WNK1: variants seen among roughly 807,000 people sequenced by gnomAD.
WNK1 encodes WNK lysine deficient protein kinase 1.
A neutral mutation model predicts 222.8 loss-of-function variants in WNK1; 38 were observed. That is an observed-to-expected ratio of 0.17 (90% CI 0.13 to 0.22). The LOEUF (loss-of-function observed/expected upper bound fraction) is 0.22, where lower values mean the gene tolerates loss of function less well. Among genes scored for constraint, WNK1 ranks in the 10% least tolerant of loss-of-function variants. WNK1 has a pLI of 1.00. For synonymous variants in WNK1, 1,090 were observed against 1,092.9 expected, an observed-to-expected ratio of 1.00 and a Z score of 0.05; for missense variants, 2,348 against 2,918.4, an observed-to-expected ratio of 0.80 and a Z score of 4.50.
chr12:778,278 A>C (rs1943320424), intron 1 of WNK1, among the ~76,000 whole-genome samples: 1 of 152,100 alleles, frequency 6.6e-6, no homozygotes, highest in Non-Finnish European at 1.5e-5. Context: ...CTTGAAATTT[A>C]TGTAAAATTC....
At chr12:879,308 C>T (rs774910972) in intron 10 of WNK1, among the ~76,000 whole-genome samples, 10 of 151,862 alleles carry the variant, frequency 6.6e-5, no homozygotes, top group Non-Finnish European at 1.5e-4. Flanking sequence ...AATGCTGAAG[C>T]ATTAGCAAAT....
rs561238194 is a variant in WNK1 at position 896,639 on chromosome 12, G to T, written c.6152G>T (p.Ser2051Ile). The T allele has an allele frequency of 1.9e-6, 3 of 1,608,388 alleles. No individual in the cohort carries two copies. Among genetic ancestry groups the T allele is most frequent in the Non-Finnish European group, 2.5e-6 (3 of 1,177,958 alleles). Residue 2051 changes from serine (S) to isoleucine (I), a missense_variant, in exon 24 of 28, where the codon AGT becomes ATT. Transcript: ENST00000315939. ...AGCCAGAATCTAAGTCAAAGCCTTA[G>T]TAATTCATTTAACTCCTCTTACATG... ...LPSQNLSQSL[S>I]NSFNSSYMSS... is the part of the protein sequence containing the mutation.
intron 8 of WNK1, chr12:869,082 G>A (rs1312282687): frequency 5.6e-6 from 9 of 1,613,936 alleles, no homozygotes; most frequent in Non-Finnish European, 7.6e-6. Flanking sequence ...TTTTCTTCAG[G>A]AGGATCTGCA....
At chr12:817,654 T>G (rs1243118234) in intron 2 of WNK1, among the ~76,000 whole-genome samples, 2 of 152,126 alleles carry the variant, frequency 1.3e-5, no homozygotes, top group Non-Finnish European at 2.9e-5. Flanking sequence ...AAATTTGGAT[T>G]AAGGCCAGGC....
intron 4 of WNK1, chr12:851,628 G>GATGTA (rs1950426445): frequency 7.8e-7 from 1 of 1,282,768 alleles, no homozygotes; most frequent in Non-Finnish European, 1.0e-6. Flanking sequence ...GCTGTGGGCT[G>GATGTA]ATGTACATCA....
intron 4 of WNK1, among the ~76,000 whole-genome samples, chr12:830,401 A>G (rs990980373): frequency 1.3e-5 from 2 of 152,174 alleles, no homozygotes; most frequent in Non-Finnish European, 2.9e-5. Context: ...AATCTTTATT[A>G]TGTTTAAAAA....
chr12:772,881 T>C (rs1401733878), intron 1 of WNK1, among the ~76,000 whole-genome samples: 1 of 152,202 alleles, frequency 6.6e-6, no homozygotes, highest in African/African-American at 2.4e-5. Flanking sequence ...GTATTATCAG[T>C]AGTTTGTTTT....
At chr12:789,769 G>C (rs187046690) in intron 1 of WNK1, among the ~76,000 whole-genome samples, 3 of 152,250 alleles carry the variant, frequency 2.0e-5, no homozygotes, top group East Asian at 3.9e-4. Flanking sequence ...GGCAGTGTCA[G>C]ATTGATTCAG....
chr12:898,884 G>A (rs1406319206), intron 25 of WNK1, among the ~76,000 whole-genome samples: 1 of 152,126 alleles, frequency 6.6e-6, no homozygotes, highest in African/African-American at 2.4e-5. Flanking sequence ...GGGATTACAG[G>A]CACATGTCAC....
At chr12:791,256 C>CAT (rs71293137) in intron 1 of WNK1, among the ~76,000 whole-genome samples, 2 of 150,158 alleles carry the variant, frequency 1.3e-5, no homozygotes, top group African/African-American at 4.9e-5. Flanking sequence ...CACACACACA[C>CAT]ATACACAAAA....
At chr12:786,120 G>A (rs961644243) in intron 1 of WNK1, among the ~76,000 whole-genome samples, 10 of 152,098 alleles carry the variant, frequency 6.6e-5, no homozygotes, top group African/African-American at 2.2e-4. Context: ...TTTGAAAATA[G>A]TATTTATTAA....
intron 4 of WNK1, among the ~76,000 whole-genome samples, chr12:839,009 C>T (rs1180827746): frequency 1.3e-5 from 2 of 152,072 alleles, no homozygotes; most frequent in Non-Finnish European, 2.9e-5. Flanking sequence ...CTCTAAAGAA[C>T]TTACCAAGGG....
chr12:861,922 A>G (rs1271346505), intron 7 of WNK1, among the ~76,000 whole-genome samples, 161 bp from the exon 8 acceptor site: 2 of 152,228 alleles, frequency 1.3e-5, no homozygotes, highest in East Asian at 3.8e-4. Context: ...ATAGAAATCT[A>G]CTGAATATGG....
rs72648636 is a variant in WNK1, at chr12:846,422, A to G, written c.1312-10739A>G. 3.6e-3 allele frequency among the ~76,000 whole-genome samples: 549 copies of G among 152,314 alleles called. 8 individuals carry two copies. Among genetic ancestry groups the G allele is most frequent in the African/African-American group, 0.013 (521 of 41,582 alleles). On this transcript the variant is annotated intron_variant, in intron 4 of 27. Coordinates refer to ENST00000315939, the MANE Select transcript of WNK1 (RefSeq NM_018979.4). ...TTTATATGAAGGATAGTGCGTTTGA[A>G]CTGGAGCAGTACACAAGCTTTCATG...
rs1948376697 is a variant in WNK1 at position 826,532 on chromosome 12, G to A, written c.933-510G>A. 1.3e-5 allele frequency among the ~76,000 whole-genome samples: 2 copies of A among 152,158 alleles called. 1 individual carries two copies. The highest frequency in any genetic ancestry group is 4.1e-4 in the South Asian group (2 of 4,832). ...TGACTGATTTTGATTGCTCTCCAGA[G>A]CCTTCAAGTAATAGTTGTTTTGTAT... On this transcript the variant is annotated intron_variant, in intron 2 of 27. Coordinates refer to ENST00000315939, the MANE Select transcript of WNK1 (RefSeq NM_018979.4).
chr12:807,711 C>CTTTT lies in WNK1; in HGVS notation c.760-5908_760-5905dup, dbSNP rs869122990. ...TTCCTTCCAGTAGGGAGCAATAATT[C>CTTTT]TTTTTTTTTTTTTTTTTTTTTTTTT... On this transcript the variant is annotated intron_variant, in intron 1 of 27. Coordinates refer to ENST00000315939, the MANE Select transcript of WNK1 (RefSeq NM_018979.4). Among the ~76,000 whole-genome samples the CTTTT allele has an allele frequency of 1.3e-3, 102 of 78,798 alleles. 6 individuals carry two copies. The highest frequency in any genetic ancestry group is 9.6e-3 in the South Asian group (17 of 1,774). 51.7% of individuals were successfully genotyped at this position (78,798 alleles called of 152,430 possible).
Position 908,710 on chromosome 12 carries a change from C to T in WNK1, c.7067C>T (p.Thr2356Ile). 1 of 1,614,190 alleles carries T rather than the reference C, an allele frequency of 6.2e-7. No individual in the cohort carries two copies. Among genetic ancestry groups the T allele is most frequent in the Non-Finnish European group, 8.5e-7 (1 of 1,180,040 alleles). ...QPLGQFQPVGTASLQNFNISN... is the reference protein window; with the variant it reads ...QPLGQFQPVGIASLQNFNISN... ...CTTGGCCAGTTCCAACCTGTGGGAA[C>T]TGCCTCCTTGCAGAATTTCAACATC... The change falls in exon 28 of 28, where the codon ACT (threonine) becomes ATT (isoleucine). Residue 2356 changes from threonine (T) to isoleucine (I), a missense_variant. By Grantham distance (89) the Thr-to-Ile change is moderately conservative. Around this residue, in one of 13 missense-constraint regions of WNK1, gnomAD observed 76 missense variants for 85.7 expected, o/e 0.89. Coordinates refer to ENST00000315939, the MANE Select transcript of WNK1 (RefSeq NM_018979.4).
At chr12:899,445 C>T (rs35343008) in intron 25 of WNK1, among the ~76,000 whole-genome samples, 16,544 of 152,036 alleles carry the variant, frequency 0.11, 996 homozygotes, top group South Asian at 0.17. Flanking sequence ...ATAAGAACAC[C>T]TGGCTAATTT....
chr12:886,364 A>C (rs574442331), intron 19 of WNK1, among the ~76,000 whole-genome samples: 2 of 152,336 alleles, frequency 1.3e-5, no homozygotes, highest in African/African-American at 4.8e-5. Context: ...AATTGGTACA[A>C]ACTGAAGAAG....
Sources: allele counts gnomAD v4.1 joint callset (sites outside exome capture counted in the v4.1 genomes callset), GRCh38; gene constraint gnomAD v4.1.1; regional missense constraint gnomAD v4.1.1; transcripts MANE v1.5; gene names NCBI Gene and HGNC (gene_info 2026-07-23, HGNC 2026-07-21).